The following SLC35F3 variants were observed in gnomAD, a reference collection of about 807,000 sequenced individuals.
SLC35F3 encodes the protein putative thiamine transporter SLC35F3.
In SLC35F3, 25 loss-of-function variants were observed where a neutral mutation model predicts 49.9. The observed-to-expected ratio is 0.50, with a 90% CI of 0.37 to 0.70. The LOEUF (loss-of-function observed/expected upper bound fraction) is 0.70, where lower values mean the gene tolerates loss of function less well. Among genes scored for constraint, SLC35F3 ranks in the 30% least tolerant of loss-of-function variants. The pLI is 0.00. For synonymous variants in SLC35F3, 275 were observed against 265.4 expected (o/e 1.04, Z -0.35); for missense variants, 525 against 639.8 (o/e 0.82, Z 1.94).
intron 2 of SLC35F3, among the ~76,000 whole-genome samples, chr1:234,222,921 G>A (rs1369979606): frequency 6.6e-6 from 1 of 152,146 alleles, no homozygotes; most frequent in Admixed American, 6.5e-5. Context: ...ATGTGCCCAG[G>A]CCACAGAAAA....
At chr1:234,002,181 C>T (rs1663564726) in intron 2 of SLC35F3, among the ~76,000 whole-genome samples, 1 of 152,120 alleles carries the variant, frequency 6.6e-6, no homozygotes. Context: ...CAGAGAGTTC[C>T]TATATATCCA....
chr1:234,152,373 A>C (rs1666089587), intron 2 of SLC35F3, among the ~76,000 whole-genome samples: 1 of 151,960 alleles, frequency 6.6e-6, no homozygotes, highest in Non-Finnish European at 1.5e-5. Context: ...TCCTAATGCT[A>C]TCTCTCCCCT....
intron 2 of SLC35F3, among the ~76,000 whole-genome samples, chr1:234,103,716 A>C (rs909093364): frequency 1.3e-5 from 2 of 152,222 alleles, no homozygotes; most frequent in Non-Finnish European, 2.9e-5. Context: ...CTTTGGTGAC[A>C]GAAACACCCT....
intron 2 of SLC35F3, among the ~76,000 whole-genome samples, chr1:234,101,698 C>T (rs201438072): frequency 5.3e-5 from 8 of 152,152 alleles, no homozygotes; most frequent in African/African-American, 1.7e-4. Flanking sequence ...CCAGGCATGA[C>T]GGGGGTTGAA....
intron 2 of SLC35F3, among the ~76,000 whole-genome samples, chr1:233,931,244 A>G (rs1033920042): frequency 5.3e-5 from 8 of 152,244 alleles, no homozygotes; most frequent in Non-Finnish European, 1.0e-4. Flanking sequence ...CTTCATGTCT[A>G]AAACACCAAA....
chr1:234,217,155 C>T (rs1050820840), intron 2 of SLC35F3, among the ~76,000 whole-genome samples: 4 of 152,122 alleles, frequency 2.6e-5, no homozygotes, highest in Admixed American at 2.6e-4. Context: ...ATGCAGCCAG[C>T]GAGGAATATT....
intron 2 of SLC35F3, among the ~76,000 whole-genome samples, chr1:233,983,749 C>T (rs17569998): frequency 0.25 from 37,922 of 152,060 alleles, 5,915 homozygotes; most frequent in Non-Finnish European, 0.36. Context: ...GTGAAATCTC[C>T]CACTGGTGTT....
chr1:234,262,209 T>C (rs1667915411), intron 3 of SLC35F3, among the ~76,000 whole-genome samples: 1 of 151,650 alleles, frequency 6.6e-6, no homozygotes, highest in Non-Finnish European at 1.5e-5. Flanking sequence ...TGTGAAGCAA[T>C]GTGCTAGTAA....
At position 233,922,185 on chromosome 1, in the gene SLC35F3, A is replaced by T. The variant is rs537155845; in HGVS notation, c.283+16427A>T. Among the ~76,000 whole-genome samples, 13 of 152,320 alleles carry T rather than the reference A, an allele frequency of 8.5e-5. No individual in the cohort carries two copies. In the East Asian group the frequency reaches 2.1e-3, roughly 25 times the overall value. On this transcript the variant is annotated intron_variant, in intron 2 of 7. Transcript: ENST00000366618. ...TAATGGGATGGCTGGGTCAAATGGT[A>T]TTTCTAGTTCTAGATCCTTGAGGAA...
At chr1:234,118,401 G>C (rs1665524419) in intron 2 of SLC35F3, among the ~76,000 whole-genome samples, 1 of 152,154 alleles carries the variant, frequency 6.6e-6, no homozygotes, top group Non-Finnish European at 1.5e-5. Context: ...ACCTTTTAAT[G>C]ATCCTTTCAA....
intron 3 of SLC35F3, among the ~76,000 whole-genome samples, chr1:234,240,996 A>C (rs1384723891): frequency 6.6e-6 from 1 of 152,234 alleles, no homozygotes; most frequent in East Asian, 1.9e-4. Context: ...TTTGTCTAGA[A>C]AGCAATGTCC....
intron 3 of SLC35F3, among the ~76,000 whole-genome samples, chr1:234,275,779 T>C (rs1176895257): frequency 6.7e-6 from 1 of 150,258 alleles, no homozygotes; most frequent in Non-Finnish European, 1.5e-5. Flanking sequence ...TATATATATA[T>C]ATAGCACAGA....
intron 2 of SLC35F3, among the ~76,000 whole-genome samples, chr1:234,105,745 A>G (rs1413751290): frequency 6.6e-6 from 1 of 152,224 alleles, no homozygotes; most frequent in Non-Finnish European, 1.5e-5. Context: ...AACTGATTGT[A>G]TTGATGTTCA....
intron 3 of SLC35F3, among the ~76,000 whole-genome samples, chr1:234,291,980 ACTGT>A (rs1668515448): frequency 6.6e-6 from 1 of 152,136 alleles, no homozygotes; most frequent in Admixed American, 6.5e-5. Context: ...CAGATCCCTG[ACTGT>A]CTTAGCTCCA....
At chr1:233,976,306 T>C (rs1214276129) in intron 2 of SLC35F3, among the ~76,000 whole-genome samples, 1 of 152,178 alleles carries the variant, frequency 6.6e-6, no homozygotes, top group African/African-American at 2.4e-5. Flanking sequence ...CAGTTCACAT[T>C]TTATTCTATT....
intron 2 of SLC35F3, among the ~76,000 whole-genome samples, chr1:233,962,910 C>G (rs1241516443): frequency 1.3e-5 from 2 of 152,282 alleles, no homozygotes; most frequent in East Asian, 3.9e-4. Flanking sequence ...TTGCACGGAC[C>G]TTGTAATGAA....
At chr1:233,926,963 G>A (rs75823991) in intron 2 of SLC35F3, among the ~76,000 whole-genome samples, 14,952 of 152,198 alleles carry the variant, frequency 0.098, 895 homozygotes, top group South Asian at 0.14. Context: ...TATCACCAGC[G>A]GAGGCTGCAG....
chr1:234,273,800 G>T (rs951078094), intron 3 of SLC35F3, among the ~76,000 whole-genome samples: 7 of 152,142 alleles, frequency 4.6e-5, no homozygotes, highest in African/African-American at 1.4e-4. Flanking sequence ...TTGAGGGCTT[G>T]GGAGGAATAC....
In SLC35F3 at chr1:234,214,559, CT is replaced by C; in HGVS notation, c.284-16856del. 1 of 1,557,266 alleles carries C rather than the reference CT, an allele frequency of 6.4e-7. No homozygotes were observed. Among genetic ancestry groups the C allele is most frequent in the East Asian group, 2.5e-5 (1 of 39,690 alleles). Reference sequence around the variant, plus strand: ...CGCCTGCAACAGTCCGGTCCTGACCCTTACCAAAGTGGAAGGTAATGCGCGG... The same window carrying C: ...CGCCTGCAACAGTCCGGTCCTGACCCTACCAAAGTGGAAGGTAATGCGCGG... On this transcript the variant is annotated intron_variant, in intron 2 of 7. Coordinates refer to ENST00000366618, the MANE Select transcript of SLC35F3 (RefSeq NM_173508.4). The surrounding 1 kb of genome is among the most constrained non-coding windows in gnomAD (Gnocchi z 8.0).
Sources: allele counts gnomAD v4.1 joint callset (sites outside exome capture counted in the v4.1 genomes callset), GRCh38; gene constraint gnomAD v4.1.1; non-coding constraint Gnocchi (gnomAD v3.1); transcripts MANE v1.5; gene names NCBI Gene and HGNC (gene_info 2026-07-23, HGNC 2026-07-21).